Variants in UBE2N observed in about 807,000 individuals in gnomAD.
UBE2N encodes the protein ubiquitin conjugating enzyme E2 N, also known as ubiquitin-conjugating enzyme E2 N.
For missense variants in UBE2N, 60 were observed against 192.1 expected (o/e 0.31, Z 4.07); for synonymous variants, 70 against 69.2 (o/e 1.01, Z -0.06).
chr12:93,437,158 T>C (rs1484321266), intron 1 of UBE2N, among the ~76,000 whole-genome samples: 1 of 151,682 alleles, frequency 6.6e-6, no homozygotes, highest in Non-Finnish European at 1.5e-5. Context: ...ACCATAAGGT[T>C]CCATTAAACA....
In UBE2N at chr12:93,411,278, C is replaced by G; in HGVS notation, c.52G>C (p.Glu18Gln). The stretch of plus-strand genomic sequence containing the variant: ...TCGGCTTTGATGCCAGGAACTGGTT[C>G]TGCCAGCAAACGCTGGGTTTCCTAT... ...IIKETQRLLA[E>Q]PVPGIKAEPD... is the part of the protein sequence containing the mutation. The change falls in exon 2 of 4, where the codon GAA (glutamate) becomes CAA (glutamine). Residue 18 changes from glutamate to glutamine, a missense_variant. Physicochemically the swap from Glu to Gln is conservative, Grantham distance 29. Transcript: ENST00000318066. 6.2e-7 allele frequency: 1 copy of G among 1,606,056 alleles called. No individual in the cohort carries two copies. Among genetic ancestry groups the G allele is most frequent in the Non-Finnish European group, 8.5e-7 (1 of 1,174,874 alleles).
At chr12:93,412,074 G>A (rs529279770) in intron 1 of UBE2N, among the ~76,000 whole-genome samples, 6 of 152,104 alleles carry the variant, frequency 3.9e-5, no homozygotes, top group South Asian at 4.1e-4. Flanking sequence ...AGAGGCCCAG[G>A]TACCTGAACA....
intron 1 of UBE2N, among the ~76,000 whole-genome samples, chr12:93,436,576 G>A (rs1197661731): frequency 6.6e-6 from 1 of 152,070 alleles, no homozygotes; most frequent in African/African-American, 2.4e-5. Context: ...TCTCATTTGA[G>A]GGACATTTTA....
chr12:93,414,946 T>C (rs1254016472), intron 1 of UBE2N, among the ~76,000 whole-genome samples: 1 of 152,194 alleles, frequency 6.6e-6, no homozygotes, highest in African/African-American at 2.4e-5. Context: ...ATTCAATTAA[T>C]ATTTACTGAA....
At position 93,407,648 on chromosome 12, in the gene UBE2N, TA is replaced by T. The variant is rs1877890190; in HGVS notation, c.*2390del. On this transcript the variant is annotated 3_prime_UTR_variant, in exon 4 of 4. Coordinates refer to ENST00000318066, the MANE Select transcript of UBE2N (RefSeq NM_003348.4). ...CCAGATCTTCAGATCATTCAAAAGT[TA>T]CCCGAATTCTGGATTTTCATGCAAA... 1 of 152,222 alleles carries T rather than the reference TA, an allele frequency of 6.6e-6. No individual in the cohort carries two copies. Among genetic ancestry groups the T allele is most frequent in the African/African-American group, 2.4e-5 (1 of 41,438 alleles). 9.4% of individuals were successfully genotyped at this position (152,222 alleles called of 1,614,324 possible). A position where few individuals can be genotyped will look rare whatever the true frequency, so the allele number is the denominator to read the frequency against.
chr12:93,430,347 C>T (rs1262080117), intron 1 of UBE2N, among the ~76,000 whole-genome samples: 1 of 152,032 alleles, frequency 6.6e-6, no homozygotes, highest in Non-Finnish European at 1.5e-5. Flanking sequence ...GATGAAATTG[C>T]CTATGGTGCA....
chr12:93,434,353 G>C (rs1878861799), intron 1 of UBE2N, among the ~76,000 whole-genome samples: 1 of 152,182 alleles, frequency 6.6e-6, no homozygotes, highest in Non-Finnish European at 1.5e-5. Context: ...TTCCAAACTT[G>C]AGCAAAGCAA....
intron 1 of UBE2N, among the ~76,000 whole-genome samples, chr12:93,430,096 T>C: frequency 6.6e-6 from 1 of 152,214 alleles, no homozygotes. Context: ...GCTTCCTTCA[T>C]GGTTAAGTGC....
At chr12:93,419,660 T>C (rs934389900) in intron 1 of UBE2N, among the ~76,000 whole-genome samples, 2 of 152,196 alleles carry the variant, frequency 1.3e-5, no homozygotes, top group African/African-American at 4.8e-5. Context: ...ACCTTTCCTT[T>C]GCAAATGAAA....
At chr12:93,434,372 C>T (rs987044112) in intron 1 of UBE2N, among the ~76,000 whole-genome samples, 1 of 152,220 alleles carries the variant, frequency 6.6e-6, no homozygotes, top group Admixed American at 6.5e-5. Flanking sequence ...AAATGCATAA[C>T]ATTTCCAGTC....
At position 93,414,036 on chromosome 12, in the gene UBE2N, C is replaced by G. The variant is rs540945345; in HGVS notation, c.31-2737G>C. 2.0e-5 allele frequency among the ~76,000 whole-genome samples: 3 copies of G among 151,266 alleles called. 1 individual carries two copies. Among genetic ancestry groups the G allele is most frequent in the African/African-American group, 7.3e-5 (3 of 41,166 alleles). On this transcript the variant is annotated intron_variant, in intron 1 of 3. Coordinates refer to ENST00000318066, the MANE Select transcript of UBE2N (RefSeq NM_003348.4). ...ATCAGCCGGGCATGGTGGCACGTGC[C>G]TGTAATCCCAGCTACTCGGGAGGCT...
intron 1 of UBE2N, among the ~76,000 whole-genome samples, chr12:93,415,644 T>C (rs1178987737): frequency 1.3e-5 from 2 of 151,914 alleles, no homozygotes; most frequent in Non-Finnish European, 2.9e-5. Flanking sequence ...AATGAGAAAA[T>C]AACTGGATGG....
chr12:93,424,889 GC>G (rs780639760), intron 1 of UBE2N, among the ~76,000 whole-genome samples: 3 of 152,136 alleles, frequency 2.0e-5, no homozygotes, highest in African/African-American at 4.8e-5. Context: ...CAAAATCTAT[GC>G]CTCACTTCAG....
At chr12:93,421,789 A>T (rs750894673) in intron 1 of UBE2N, among the ~76,000 whole-genome samples, 1 of 152,238 alleles carries the variant, frequency 6.6e-6, no homozygotes, top group African/African-American at 2.4e-5. Context: ...AGTGCATGAG[A>T]TCAACATGCT....
intron 1 of UBE2N, among the ~76,000 whole-genome samples, chr12:93,432,478 A>C (rs75796799): frequency 8.3e-4 from 106 of 128,056 alleles, no homozygotes; most frequent in African/African-American, 1.7e-3. Flanking sequence ...AAGAGTCACA[A>C]AAAAAAAAAA....
chr12:93,416,286 C>T (rs958323637), intron 1 of UBE2N, among the ~76,000 whole-genome samples: 2 of 152,052 alleles, frequency 1.3e-5, no homozygotes, highest in African/African-American at 2.4e-5. Context: ...CCTAAAAAGG[C>T]AAAAACTGGC....
At chr12:93,412,576 C>T (rs1201385755) in intron 1 of UBE2N, among the ~76,000 whole-genome samples, 1 of 152,200 alleles carries the variant, frequency 6.6e-6, no homozygotes, top group Non-Finnish European at 1.5e-5. Context: ...AGTTTTGCCA[C>T]AAGAGTATAC....
intron 1 of UBE2N, among the ~76,000 whole-genome samples, chr12:93,425,832 A>G (rs1023479500): frequency 6.6e-5 from 10 of 152,238 alleles, no homozygotes; most frequent in African/African-American, 2.4e-4. Flanking sequence ...ACGAAGCACC[A>G]GAGATACCAG....
rs747313702 is a variant in UBE2N at position 93,408,490 on chromosome 12, G to A, written c.*1549C>T. 1 of 152,102 alleles carries A rather than the reference G, an allele frequency of 6.6e-6. No homozygotes were observed. Among genetic ancestry groups the A allele is most frequent in the African/African-American group, 2.4e-5 (1 of 41,388 alleles). The allele number at this position is 152,102 out of a possible 1,614,324, so 9.4% of individuals were successfully genotyped here. A position where few individuals can be genotyped will look rare whatever the true frequency, so the allele number is the denominator to read the frequency against. ...ATAAGAGTGAAGAAAATTCAAATGG[G>A]CTACAATATCCATTACCTTAAACTG... On this transcript the variant is annotated 3_prime_UTR_variant, in exon 4 of 4. Transcript: ENST00000318066.
Sources: gnomAD v4.1 joint callset for allele counts (sites outside exome capture counted in the v4.1 genomes callset) on GRCh38, gnomAD v4.1.1 for gene constraint, MANE v1.5 for transcripts, NCBI Gene and HGNC (gene_info 2026-07-23, HGNC 2026-07-21) for gene names.